Variants in L3MBTL3 observed in about 807,000 individuals in gnomAD.
The protein encoded by L3MBTL3 is lethal(3)malignant brain tumor-like protein 3.
In L3MBTL3, 27 loss-of-function variants were observed where a neutral mutation model predicts 102.3. The ratio of observed to expected loss-of-function variants is 0.26; its 90% CI spans 0.19 to 0.36. The LOEUF is 0.36. Among genes scored for constraint, L3MBTL3 ranks in the 10% least tolerant of loss-of-function variants. The pLI is 1.00. For synonymous variants in L3MBTL3, 340 were observed against 320.9 expected (o/e 1.06, Z -0.64); for missense variants, 798 against 955.3 (o/e 0.84, Z 2.17).
chr6:130,046,580 T>G (rs7744830), intron 3 of L3MBTL3, among the ~76,000 whole-genome samples: 96,969 of 152,010 alleles, frequency 0.64, 31,729 homozygotes, highest in East Asian at 0.84. Context: ...AGGCATAATT[T>G]TTTTCTGATT....
At chr6:130,134,216 CAAAG>C (rs1399848252) in intron 22 of L3MBTL3, among the ~76,000 whole-genome samples, 1 of 151,986 alleles carries the variant, frequency 6.6e-6, no homozygotes, top group African/African-American at 2.4e-5. Flanking sequence ...CAGAGGAAGC[CAAAG>C]AAAGAAAGAA....
rs117911052 is a variant in L3MBTL3 at position 130,114,516 on chromosome 6, G to T, written c.1887-6363G>T. 5.2e-4 allele frequency among the ~76,000 whole-genome samples: 79 copies of T among 152,210 alleles called. 1 individual carries two copies. In the East Asian group the frequency reaches 0.014, roughly 26 times the overall value. On this transcript the variant is annotated intron_variant, in intron 19 of 22. Coordinates refer to ENST00000361794, the MANE Select transcript of L3MBTL3 (RefSeq NM_032438.4). Reference sequence around the variant, plus strand: ...CGTTAAGGCTTTTCATTTAATAAGAGGATTAATTGCTGAGTTTTTCTGGAG... The same window carrying T: ...CGTTAAGGCTTTTCATTTAATAAGATGATTAATTGCTGAGTTTTTCTGGAG...
chr6:130,089,116 T>C (rs1019568458), intron 16 of L3MBTL3, among the ~76,000 whole-genome samples: 7 of 152,106 alleles, frequency 4.6e-5, no homozygotes, highest in Admixed American at 1.3e-4. Context: ...GTGTACAACG[T>C]GCAGGTTTGT....
At chr6:130,102,029 C>G (rs1366257330) in intron 18 of L3MBTL3, among the ~76,000 whole-genome samples, 1 of 152,002 alleles carries the variant, frequency 6.6e-6, no homozygotes, top group African/African-American at 2.4e-5. Flanking sequence ...GCTTGGATGT[C>G]TAATAAACAA....
intron 13 of L3MBTL3, among the ~76,000 whole-genome samples, chr6:130,075,465 A>G (rs768986333): frequency 6.6e-5 from 10 of 152,146 alleles, no homozygotes; most frequent in Non-Finnish European, 1.5e-4. Context: ...TCAGTGCATT[A>G]CTTAACACTT....
At chr6:130,136,873 C>T (rs893758972) in intron 22 of L3MBTL3, among the ~76,000 whole-genome samples, 18 of 152,306 alleles carry the variant, frequency 1.2e-4, no homozygotes, top group African/African-American at 3.1e-4. Flanking sequence ...TGACTTCAGC[C>T]TCCCAAAGTG....
intron 2 of L3MBTL3, among the ~76,000 whole-genome samples, chr6:130,041,158 C>G (rs1780399769): frequency 2.0e-5 from 3 of 152,198 alleles, no homozygotes; most frequent in African/African-American, 4.8e-5. Context: ...TTCTGGTAAT[C>G]TGGATTTTCT....
chr6:130,054,554 G>A (rs1314314342), intron 7 of L3MBTL3, among the ~76,000 whole-genome samples: 2 of 152,154 alleles, frequency 1.3e-5, no homozygotes, highest in African/African-American at 2.4e-5. Context: ...AGAAAAATCA[G>A]GGATAAAACT....
intron 13 of L3MBTL3, among the ~76,000 whole-genome samples, chr6:130,072,928 A>C (rs1043796444): frequency 6.6e-6 from 1 of 152,020 alleles, no homozygotes; most frequent in Admixed American, 6.6e-5. Flanking sequence ...ACAGATACCT[A>C]TTCCTCTCCT....
intron 19 of L3MBTL3, 52 bp from the exon 20 acceptor site, chr6:130,120,827 A>AT: frequency 7.1e-7 from 1 of 1,400,410 alleles, no homozygotes; most frequent in South Asian, 1.2e-5. Context: ...GTTCTGAACC[A>AT]TTTTTTTAAA....
chr6:130,057,632 A>C, intron 9 of L3MBTL3, 135 bp downstream of exon 9: 1 of 727,104 alleles, frequency 1.4e-6, no homozygotes. Flanking sequence ...GTGTGTTTAT[A>C]TGGAGGGCAG....
chr6:130,089,429 G>C (rs1783896192), intron 16 of L3MBTL3, among the ~76,000 whole-genome samples: 1 of 151,818 alleles, frequency 6.6e-6, no homozygotes, highest in Admixed American at 6.6e-5. Context: ...GTATTCCATG[G>C]TGTATATGTG....
At chr6:130,132,473 T>C (rs978426983) in intron 20 of L3MBTL3, among the ~76,000 whole-genome samples, 1 of 152,170 alleles carries the variant, frequency 6.6e-6, no homozygotes, top group Admixed American at 6.5e-5. Context: ...TTTCTGTAGA[T>C]CTTAGAGATA....
At chr6:130,051,188 T>G (rs1173224125) in intron 5 of L3MBTL3, 61 bp from the exon 6 acceptor site, 1 of 1,385,830 alleles carries the variant, frequency 7.2e-7, no homozygotes, top group Admixed American at 2.1e-5. Context: ...AAAAGTTTGA[T>G]TGTATTTTAG....
chr6:130,113,381 A>T (rs1341181477), intron 19 of L3MBTL3, among the ~76,000 whole-genome samples: 1 of 152,234 alleles, frequency 6.6e-6, no homozygotes, highest in African/African-American at 2.4e-5. Context: ...ATGTGTTATT[A>T]GTTGGGAAAC....
At position 130,070,718 on chromosome 6, in the gene L3MBTL3, T is replaced by A. The variant is rs368092357; in HGVS notation, c.1093-258T>A. ...ACATGTTAAAATTAATTATTTTAAA[T>A]TCTGTGAGGTGATGGATATTTTCGT... On this transcript the variant is annotated intron_variant, in intron 12 of 22. Transcript: ENST00000361794. 7 of 306,172 alleles carry A rather than the reference T, an allele frequency of 2.3e-5. No homozygotes were observed. The East Asian group carries it at 3.7e-4, about 16-fold the overall frequency. 19.0% of individuals were successfully genotyped at this position (306,172 alleles called of 1,614,324 possible).
At chr6:130,135,547 G>T (rs1303334706) in intron 22 of L3MBTL3, among the ~76,000 whole-genome samples, 1 of 151,964 alleles carries the variant, frequency 6.6e-6, no homozygotes, top group African/African-American at 2.4e-5. Context: ...ATCCCTATAG[G>T]TTTGCTCTAT....
intron 12 of L3MBTL3, 49 bp from the exon 13 acceptor site, chr6:130,070,927 G>A (rs184676054): frequency 1.3e-4 from 194 of 1,527,196 alleles, no homozygotes; most frequent in Non-Finnish European, 1.6e-4. Flanking sequence ...CAGTTCTTGT[G>A]GTTGTCAAGT....
chr6:130,072,908 C>T (rs561676109), intron 13 of L3MBTL3, among the ~76,000 whole-genome samples: 2 of 152,246 alleles, frequency 1.3e-5, no homozygotes, highest in East Asian at 1.9e-4. Flanking sequence ...TGCTTGACCT[C>T]GTTTAATTTA....
Sources: allele counts gnomAD v4.1 joint callset (sites outside exome capture counted in the v4.1 genomes callset), GRCh38; gene constraint gnomAD v4.1.1; transcripts MANE v1.5; gene names NCBI Gene and HGNC (gene_info 2026-07-23, HGNC 2026-07-21).